The following TBXAS1 variants were observed in gnomAD, a reference collection of about 807,000 sequenced individuals.
TBXAS1 encodes thromboxane-A synthase.
In TBXAS1, 48 loss-of-function variants were observed where a neutral mutation model predicts 60.7. The ratio of observed to expected loss-of-function variants is 0.79; its 90% CI spans 0.63 to 1.01. The LOEUF (loss-of-function observed/expected upper bound fraction) is 1.01, where lower values mean the gene tolerates loss of function less well. TBXAS1 is among the 50% of genes least tolerant of loss of function. The pLI is 0.00. For synonymous variants in TBXAS1, 287 were observed against 269.7 expected (o/e 1.06, Z -0.63); for missense variants, 685 against 686.3 (o/e 1.00, Z 0.02).
chr7:139,972,416 T>G (rs1389198832), intron 9 of TBXAS1, among the ~76,000 whole-genome samples: 1 of 152,218 alleles, frequency 6.6e-6, no homozygotes, highest in Non-Finnish European at 1.5e-5. Flanking sequence ...CTTCTGTGCA[T>G]CTGCTTGGCA....
chr7:139,843,110 A>G (rs961118149), intron 1 of TBXAS1, among the ~76,000 whole-genome samples: 133 of 152,256 alleles, frequency 8.7e-4, no homozygotes, highest in Non-Finnish European at 8.8e-5. Flanking sequence ...CTGCACTGAC[A>G]TGCCTGTTCC....
chr7:139,874,584 T>C (rs1446968774), intron 2 of TBXAS1, among the ~76,000 whole-genome samples: 1 of 152,228 alleles, frequency 6.6e-6, no homozygotes, highest in Non-Finnish European at 1.5e-5. Context: ...TGTGTTTCCA[T>C]GCAGGACATC....
chr7:139,981,451 A>G (rs1296688582), intron 9 of TBXAS1, among the ~76,000 whole-genome samples: 2 of 152,206 alleles, frequency 1.3e-5, no homozygotes, highest in Non-Finnish European at 1.5e-5. Context: ...TGACCGGTGG[A>G]CATTAGCTGT....
intron 1 of TBXAS1, among the ~76,000 whole-genome samples, chr7:139,838,015 C>T (rs923371419): frequency 1.2e-3 from 181 of 152,280 alleles, no homozygotes; most frequent in African/African-American, 4.0e-3. Flanking sequence ...CCACAACCAT[C>T]AGCCCCGCCC....
intron 9 of TBXAS1, among the ~76,000 whole-genome samples, chr7:139,971,477 T>C (rs906841972): frequency 1.3e-5 from 2 of 152,220 alleles, no homozygotes; most frequent in African/African-American, 4.8e-5. Context: ...ATTTCATTGT[T>C]ATGCACACAA....
intron 4 of TBXAS1, among the ~76,000 whole-genome samples, chr7:139,930,557 C>T (rs1807237345): frequency 6.6e-6 from 1 of 152,228 alleles, no homozygotes; most frequent in African/African-American, 2.4e-5. Flanking sequence ...TTCTTAACCA[C>T]TGCATTATCC....
At chr7:139,819,740 T>G (rs1270561712) in intron 4 of TBXAS1, among the ~76,000 whole-genome samples, 2 of 152,040 alleles carry the variant, frequency 1.3e-5, no homozygotes, top group African/African-American at 4.8e-5. Context: ...TGACCTCAAG[T>G]GATCCACCTG....
At chr7:139,964,660 GGA>G (rs1330508656) in intron 9 of TBXAS1, among the ~76,000 whole-genome samples, 1 of 152,242 alleles carries the variant, frequency 6.6e-6, no homozygotes, top group African/African-American at 2.4e-5. Context: ...GCAGAGGCTA[GGA>G]GAGGGGGCAG....
intron 8 of TBXAS1, among the ~76,000 whole-genome samples, chr7:139,958,798 T>C (rs1200574592): frequency 1.3e-5 from 2 of 152,346 alleles, no homozygotes; most frequent in Admixed American, 1.3e-4. Flanking sequence ...CCCACACCAC[T>C]GTGAACTCAA....
chr7:139,965,257 A>G (rs2117401538), intron 9 of TBXAS1, among the ~76,000 whole-genome samples: 1 of 152,104 alleles, frequency 6.6e-6, no homozygotes, highest in East Asian at 1.9e-4. Flanking sequence ...GGGGCTGTAC[A>G]GACTGTTGCA....
At chr7:139,889,308 G>T (rs528434975) in intron 3 of TBXAS1, among the ~76,000 whole-genome samples, 1 of 140,672 alleles carries the variant, frequency 7.1e-6, no homozygotes, top group African/African-American at 2.6e-5. Context: ...TAATCCTGTC[G>T]AAAAAAAAGG....
intron 10 of TBXAS1, 28 bp from the exon 11 acceptor site, chr7:140,015,695 T>C (rs376634396): frequency 2.4e-5 from 39 of 1,611,640 alleles, no homozygotes; most frequent in Non-Finnish European, 3.1e-5. Flanking sequence ...CTTCTCTGTA[T>C]CCACCCCCGA....
intron 3 of TBXAS1, among the ~76,000 whole-genome samples, chr7:139,898,582 A>T (rs1804305847): frequency 6.6e-6 from 1 of 151,964 alleles, no homozygotes; most frequent in Non-Finnish European, 1.5e-5. Context: ...AAGTGCTGGG[A>T]TTACAGGCGT....
chr7:139,779,885 C>T (rs1016319816), intron 1 of TBXAS1, among the ~76,000 whole-genome samples: 2 of 152,238 alleles, frequency 1.3e-5, no homozygotes, highest in African/African-American at 2.4e-5. Flanking sequence ...TCACCCATCT[C>T]TGTCACTGTG....
intron 7 of TBXAS1, 185 bp from the exon 8 acceptor site, chr7:139,957,449 G>A (rs1809953347): frequency 4.3e-6 from 3 of 698,486 alleles, no homozygotes; most frequent in Non-Finnish European, 7.5e-6. Flanking sequence ...GCCAGGAATG[G>A]TGAGGAGTAC....
At chr7:139,835,069 T>C (rs965546354) in intron 1 of TBXAS1, among the ~76,000 whole-genome samples, 1 of 150,700 alleles carries the variant, frequency 6.6e-6, no homozygotes, top group African/African-American at 2.4e-5. Flanking sequence ...AAAATTCTTT[T>C]TTTTTTTTTT....
At chr7:139,921,401 C>A (rs146058089) in intron 4 of TBXAS1, among the ~76,000 whole-genome samples, 17 of 152,272 alleles carry the variant, frequency 1.1e-4, no homozygotes, top group African/African-American at 4.1e-4. Flanking sequence ...ATCCATACCA[C>A]GTATTTAGAT....
At chr7:139,786,529 A>G (rs1302366293) in intron 3 of TBXAS1, among the ~76,000 whole-genome samples, 4 of 152,182 alleles carry the variant, frequency 2.6e-5, no homozygotes, top group African/African-American at 9.6e-5. Context: ...TTTTAAGCCT[A>G]GGGTTCTTTT....
intron 5 of TBXAS1, chr7:139,952,435 A>G (rs1584939048): frequency 8.0e-7 from 1 of 1,245,388 alleles, no homozygotes; most frequent in East Asian, 2.6e-5. Flanking sequence ...AACATAGGTT[A>G]CATTTTATGT....
Sources: allele counts gnomAD v4.1 joint callset (sites outside exome capture counted in the v4.1 genomes callset), GRCh38; gene constraint gnomAD v4.1.1; transcripts MANE v1.5; gene names NCBI Gene and HGNC (gene_info 2026-07-23, HGNC 2026-07-21).